Variants in OTUD3 observed in about 807,000 individuals in gnomAD.
The protein encoded by OTUD3 is OTU domain-containing protein 3.
In OTUD3, 24 loss-of-function variants were observed where a neutral mutation model predicts 46.2. The observed-to-expected ratio is 0.52, with a 90% CI of 0.38 to 0.73. The LOEUF is 0.73. OTUD3 is among the 30% of genes least tolerant of loss of function. OTUD3 has a pLI of 0.00. For synonymous variants in OTUD3, 189 were observed against 195.4 expected (o/e 0.97, Z 0.27); for missense variants, 455 against 523.3 (o/e 0.87, Z 1.27).
chr1:19,886,911 A>G (rs1256807428), intron 1 of OTUD3, among the ~76,000 whole-genome samples: 1 of 152,230 alleles, frequency 6.6e-6, no homozygotes, highest in Admixed American at 6.5e-5. Context: ...TCCAGGGGAA[A>G]TAGAATGTGA....
chr1:19,885,847 T>C (rs992992649), intron 1 of OTUD3, among the ~76,000 whole-genome samples: 1 of 152,372 alleles, frequency 6.6e-6, no homozygotes, highest in Non-Finnish European at 1.5e-5. Flanking sequence ...TAGCGTTCCC[T>C]GTTTTCATTC....
chr1:19,882,658 T>G lies in OTUD3; in HGVS notation c.145T>G (p.Cys49Gly). ...NRPESGGGGGCEEEFVSFANQ... is the reference protein window; with the variant it reads ...NRPESGGGGGGEEEFVSFANQ... ...GCCGGAGTCTGGCGGCGGCGGCGGC[T>G]GCGAGGAGGAGTTCGTCAGCTTCGC... The change falls in exon 1 of 8, where the codon TGC becomes GGC. Residue 49 changes from cysteine to glycine, a missense_variant. Cys to Gly is a radical substitution (Grantham distance 159). Transcript: ENST00000375120. 1 of 1,459,554 alleles carries G rather than the reference T, an allele frequency of 6.9e-7. No homozygotes were observed. Among genetic ancestry groups the G allele is most frequent in the Non-Finnish European group, 9.0e-7 (1 of 1,107,634 alleles). 90.4% of individuals were successfully genotyped at this position (1,459,554 alleles called of 1,614,324 possible).
intron 3 of OTUD3, among the ~76,000 whole-genome samples, chr1:19,895,400 A>G (rs1446626644): frequency 1.3e-5 from 2 of 152,180 alleles, no homozygotes; most frequent in African/African-American, 4.8e-5. Flanking sequence ...CTACTCTCGA[A>G]AAAGTTACTT....
intron 1 of OTUD3, among the ~76,000 whole-genome samples, chr1:19,887,653 C>T (rs891494218): frequency 2.0e-5 from 3 of 152,104 alleles, no homozygotes; most frequent in Non-Finnish European, 4.4e-5. Flanking sequence ...TCCAGGTTTT[C>T]GTTTTATTAT....
intron 4 of OTUD3, among the ~76,000 whole-genome samples, chr1:19,900,916 G>GTTTTTTTTTT (rs990933093): frequency 8.6e-6 from 1 of 115,666 alleles, no homozygotes; most frequent in Non-Finnish European, 1.8e-5. Flanking sequence ...TTTTTTTTTT[G>GTTTTTTTTTT]TTTTTTTTTT....
chr1:19,904,517 T>C, intron 5 of OTUD3, 119 bp downstream of exon 5: 3 of 861,930 alleles, frequency 3.5e-6, no homozygotes, highest in Non-Finnish European at 5.4e-6. Context: ...AATAGGCCCA[T>C]GAGATTTGTA....
intron 1 of OTUD3, among the ~76,000 whole-genome samples, chr1:19,887,082 CTTTTTT>C (rs35763768): frequency 8.7e-4 from 116 of 133,486 alleles, no homozygotes; most frequent in African/African-American, 3.0e-3. Flanking sequence ...TTTTCTTTTT[CTTTTTT>C]TTTTTTTTTT....
At chr1:19,901,372 T>C (rs2045586964) in intron 4 of OTUD3, among the ~76,000 whole-genome samples, 1 of 152,228 alleles carries the variant, frequency 6.6e-6, no homozygotes, top group African/African-American at 2.4e-5. Flanking sequence ...GAGTTTATTC[T>C]TAGGAGGTGT....
rs2045700423 is a variant in OTUD3 at position 19,908,927 on chromosome 1, T to G, written c.*1181T>G. 1 of 152,338 alleles carries G rather than the reference T, an allele frequency of 6.6e-6. No homozygotes were observed. Among genetic ancestry groups the G allele is most frequent in the South Asian group, 2.1e-4 (1 of 4,828 alleles). 9.4% of individuals were successfully genotyped at this position (152,338 alleles called of 1,614,324 possible). On this transcript the variant is annotated 3_prime_UTR_variant, in exon 8 of 8. Coordinates refer to ENST00000375120, the MANE Select transcript of OTUD3 (RefSeq NM_015207.2). ...TGGACCAGCAGAGAAGAGAACATAC[T>G]TTGGTTGAGGCCTTCGAATCACTCT...
In OTUD3 at chr1:19,912,258, A is replaced by T. The variant is rs2045742816; in HGVS notation, c.*4512A>T. 1 of 152,310 alleles carries T rather than the reference A, an allele frequency of 6.6e-6. No homozygotes were observed. The highest frequency in any genetic ancestry group is 6.5e-5 in the Admixed American group (1 of 15,284). 9.4% of individuals were successfully genotyped at this position (152,310 alleles called of 1,614,324 possible). ...GTCAGCCTGCGGCAGGCTGCCAGCC[A>T]TCCATGACAATCATGTGAGCTCAGC... is the stretch of plus-strand genomic sequence containing the variant. On this transcript the variant is annotated 3_prime_UTR_variant, in exon 8 of 8. Transcript: ENST00000375120.
At position 19,882,663 on chromosome 1, in the gene OTUD3, G is replaced by T; in HGVS notation, c.150G>T (p.Glu50Asp). The T allele has an allele frequency of 6.8e-7, 1 of 1,460,016 alleles. No individual in the cohort carries two copies. Among genetic ancestry groups the T allele is most frequent in the Non-Finnish European group, 9.0e-7 (1 of 1,107,854 alleles). 90.4% of individuals were successfully genotyped at this position (1,460,016 alleles called of 1,614,324 possible). The change falls in exon 1 of 8, where the codon GAG becomes GAT. Residue 50 changes from glutamate (E) to aspartate (D), a missense_variant. By Grantham distance (45) the Glu-to-Asp change is conservative (BLOSUM62 2). Coordinates refer to ENST00000375120, the MANE Select transcript of OTUD3 (RefSeq NM_015207.2). Reference sequence around the variant, plus strand: ...AGTCTGGCGGCGGCGGCGGCTGCGAGGAGGAGTTCGTCAGCTTCGCCAACC... The same window carrying T: ...AGTCTGGCGGCGGCGGCGGCTGCGATGAGGAGTTCGTCAGCTTCGCCAACC... ...RPESGGGGGC[E>D]EEFVSFANQL... is the part of the protein sequence containing the mutation.
chr1:19,882,504 G>T lies in OTUD3; in HGVS notation c.-10G>T. 1 of 1,358,948 alleles carries T rather than the reference G, an allele frequency of 7.4e-7. No homozygotes were observed. Among genetic ancestry groups the T allele is most frequent in the Non-Finnish European group, 9.4e-7 (1 of 1,063,066 alleles). The allele number at this position is 1,358,948 out of a possible 1,614,324, so 84.2% of individuals were successfully genotyped here. A position where few individuals can be genotyped will look rare whatever the true frequency, so the allele number is the denominator to read the frequency against. On this transcript the variant is annotated 5_prime_UTR_variant, in exon 1 of 8. The change creates a new upstream start codon in the 5' untranslated region. Transcript: ENST00000375120. Reference sequence around the variant, plus strand: ...TTCCCTCCTGCCGCTGGGGACTGCAGGCTAAGGCCATGTCCCGAAAGCAGG... The same window carrying T: ...TTCCCTCCTGCCGCTGGGGACTGCATGCTAAGGCCATGTCCCGAAAGCAGG...
intron 4 of OTUD3, among the ~76,000 whole-genome samples, chr1:19,899,381 C>T (rs950250672): frequency 1.1e-4 from 17 of 152,230 alleles, no homozygotes; most frequent in Admixed American, 3.9e-4. Context: ...CCCACACATA[C>T]ATCCTGCACT....
At chr1:19,886,623 T>A (rs934551988) in intron 1 of OTUD3, among the ~76,000 whole-genome samples, 4 of 152,146 alleles carry the variant, frequency 2.6e-5, no homozygotes, top group African/African-American at 7.2e-5. Context: ...TAAAAAAAAA[T>A]TTACAGATGA....
chr1:19,908,051 C>T lies in OTUD3; in HGVS notation c.*305C>T. The stretch of plus-strand genomic sequence containing the variant: ...CCTTTTAAGTGGTGGCTTTATTTGC[C>T]CTGAAAATCAGACTTCAGTGACCCT... On this transcript the variant is annotated 3_prime_UTR_variant, in exon 8 of 8. Transcript: ENST00000375120. 1 of 227,008 alleles carries T rather than the reference C, an allele frequency of 4.4e-6. No homozygotes were observed. Among genetic ancestry groups the T allele is most frequent in the Non-Finnish European group, 8.6e-6 (1 of 116,568 alleles). 14.1% of individuals were successfully genotyped at this position (227,008 alleles called of 1,614,324 possible).
chr1:19,897,980 G>A (rs1467569051), intron 4 of OTUD3, among the ~76,000 whole-genome samples: 6 of 145,374 alleles, frequency 4.1e-5, no homozygotes, highest in Admixed American at 2.8e-4. Flanking sequence ...ATGGAGTTTC[G>A]CTCTTGTTGC....
chr1:19,904,841 T>C, intron 5 of OTUD3, 50 bp from the exon 6 acceptor site: 1 of 887,014 alleles, frequency 1.1e-6, no homozygotes, highest in South Asian at 1.5e-5. Flanking sequence ...GGCAGAAAAA[T>C]ATACCCAGAG....
chr1:19,911,775 G>C lies in OTUD3; in HGVS notation c.*4029G>C, dbSNP rs1466847387. Reference sequence around the variant, plus strand: ...GTCTGCCATCGCATATTAGAAAGGGGACAGTCATATTTGTAACGTGGAGAG... The same window carrying C: ...GTCTGCCATCGCATATTAGAAAGGGCACAGTCATATTTGTAACGTGGAGAG... On this transcript the variant is annotated 3_prime_UTR_variant, in exon 8 of 8. Coordinates refer to ENST00000375120, the MANE Select transcript of OTUD3 (RefSeq NM_015207.2). The C allele has an allele frequency of 6.6e-6, 1 of 152,294 alleles. No individual in the cohort carries two copies. Among genetic ancestry groups the C allele is most frequent in the Non-Finnish European group, 1.5e-5 (1 of 68,038 alleles). The allele number at this position is 152,294 out of a possible 1,614,324, so 9.4% of individuals were successfully genotyped here.
Position 19,890,366 on chromosome 1 carries a change from CGT to C in OTUD3, c.222-16_222-15del. 1 of 1,612,370 alleles carries C rather than the reference CGT, an allele frequency of 6.2e-7. No homozygotes were observed. The highest frequency in any genetic ancestry group is 8.5e-7 in the Non-Finnish European group (1 of 1,178,604). ...AGTTCATTTTTGAAAGGTCTTGACT[CGT>C]GTTGTTGTTTTGACAGCAATTGCTT... On this transcript the variant is annotated splice_polypyrimidine_tract_variant and intron_variant, in intron 1 of 7. Coordinates refer to ENST00000375120, the MANE Select transcript of OTUD3 (RefSeq NM_015207.2).
Sources: allele counts gnomAD v4.1 joint callset (sites outside exome capture counted in the v4.1 genomes callset), GRCh38; gene constraint gnomAD v4.1.1; transcripts MANE v1.5; gene names NCBI Gene and HGNC (gene_info 2026-07-23, HGNC 2026-07-21).